Variants in EBF2 observed in about 807,000 individuals in gnomAD.
EBF2 encodes EBF transcription factor 2.
Under a neutral mutation model 72.8 loss-of-function variants are expected in EBF2, and 21 were observed. The ratio of observed to expected loss-of-function variants is 0.29; its 90% confidence interval spans 0.20 to 0.42. EBF2 has a LOEUF of 0.42. EBF2 is among the 10% of genes least tolerant of loss of function. EBF2 has a pLI of 1.00. For synonymous variants in EBF2, 299 were observed against 274.2 expected, an observed-to-expected ratio of 1.09 and a Z score of -0.89; for missense variants, 637 against 731.2, an observed-to-expected ratio of 0.87 and a Z score of 1.49.
At chr8:26,008,611 G>T (rs1173543916) in intron 6 of EBF2, among the ~76,000 whole-genome samples, 2 of 152,130 alleles carry the variant, frequency 1.3e-5, no homozygotes, top group African/African-American at 2.4e-5. Context: ...AGTGCTAAGT[G>T]CAGTTAGAAG....
intron 6 of EBF2, among the ~76,000 whole-genome samples, chr8:25,970,317 C>A (rs1438289137): frequency 6.6e-6 from 1 of 152,154 alleles, no homozygotes; most frequent in African/African-American, 2.4e-5. Context: ...TCGACAGGAG[C>A]CTTCATCTGC....
chr8:26,038,783 C>T (rs1418082384), intron 5 of EBF2, among the ~76,000 whole-genome samples: 3 of 152,188 alleles, frequency 2.0e-5, no homozygotes, highest in Non-Finnish European at 4.4e-5. Context: ...AAGCCACTGG[C>T]ATTTGGAAAG....
At position 25,850,568 on chromosome 8, in the gene EBF2, A is replaced by G. The variant is rs374190722; in HGVS notation, c.1696+26T>C. 4.0e-6 allele frequency: 6 copies of G among 1,516,754 alleles called. No homozygotes were observed. The African/African-American group carries it at 8.7e-5, about 22-fold the overall frequency. The allele number at this position is 1,516,754 out of a possible 1,614,324, so 94.0% of individuals were successfully genotyped here. On this transcript the variant is annotated intron_variant, in intron 15 of 15. Coordinates refer to ENST00000520164, the MANE Select transcript of EBF2 (RefSeq NM_022659.4). Reference sequence around the variant, plus strand: ...TTGCCAACCCTATGGTACATTGTGTATCCCCAAAATAGAACCCTTGCTTAC... The same window carrying G: ...TTGCCAACCCTATGGTACATTGTGTGTCCCCAAAATAGAACCCTTGCTTAC...
intron 7 of EBF2, among the ~76,000 whole-genome samples, chr8:25,896,242 CAG>C (rs1802862686): frequency 6.6e-6 from 1 of 152,210 alleles, no homozygotes; most frequent in Admixed American, 6.5e-5. Context: ...CCGTATGGGC[CAG>C]AGTCTTTGCT....
chr8:25,985,954 A>G (rs979168416), intron 6 of EBF2, among the ~76,000 whole-genome samples: 2 of 133,594 alleles, frequency 1.5e-5, no homozygotes, highest in African/African-American at 5.5e-5. Context: ...GTAAGTTGTG[A>G]TCACACCACT....
chr8:25,922,394 C>G (rs1182027173), intron 6 of EBF2, among the ~76,000 whole-genome samples: 1 of 152,140 alleles, frequency 6.6e-6, no homozygotes, highest in Non-Finnish European at 1.5e-5. Flanking sequence ...GACATTGATT[C>G]TCAAAGCCTG....
chr8:25,957,838 C>T (rs1164809636), intron 6 of EBF2, among the ~76,000 whole-genome samples: 1 of 152,196 alleles, frequency 6.6e-6, no homozygotes, highest in African/African-American at 2.4e-5. Flanking sequence ...CAAGGTACAA[C>T]TGGAGAGGCC....
chr8:25,981,611 C>A (rs572303144), intron 6 of EBF2, among the ~76,000 whole-genome samples: 1 of 152,120 alleles, frequency 6.6e-6, no homozygotes, highest in South Asian at 2.1e-4. Flanking sequence ...GCCTGGCCAA[C>A]GTGGCAAAAT....
At chr8:25,870,544 G>A (rs1415992166) in intron 10 of EBF2, among the ~76,000 whole-genome samples, 1 of 152,122 alleles carries the variant, frequency 6.6e-6, no homozygotes, top group African/African-American at 2.4e-5. Context: ...TGCTCAGAGA[G>A]GAATTTTCTG....
intron 2 of EBF2, 97 bp downstream of exon 2, chr8:26,041,998 G>C (rs1160665818): frequency 6.6e-7 from 1 of 1,506,876 alleles, no homozygotes; most frequent in Admixed American, 1.9e-5. Context: ...CTGATGGTGA[G>C]AGTGGAAAAG....
intron 7 of EBF2, among the ~76,000 whole-genome samples, chr8:25,892,306 C>T (rs1265388232): frequency 1.3e-5 from 2 of 152,084 alleles, no homozygotes; most frequent in African/African-American, 4.8e-5. Flanking sequence ...TAACTGAAAC[C>T]ACAGAAAGTG....
chr8:25,930,450 A>G (rs1288816859), intron 6 of EBF2, among the ~76,000 whole-genome samples: 1 of 152,220 alleles, frequency 6.6e-6, no homozygotes, highest in East Asian at 1.9e-4. Flanking sequence ...ATTGGCAACC[A>G]TTAAGTGCTA....
Position 26,044,147 on chromosome 8 carries a change from G to A in EBF2, c.131+582C>T, listed in dbSNP as rs932159506. 1.8e-4 allele frequency among the ~76,000 whole-genome samples: 27 copies of A among 152,194 alleles called. No homozygotes were observed. Among genetic ancestry groups the A allele is most frequent in the African/African-American group, 5.1e-4 (21 of 41,446 alleles). On this transcript the variant is annotated intron_variant, in intron 1 of 15. Coordinates refer to ENST00000520164, the MANE Select transcript of EBF2 (RefSeq NM_022659.4). This position sits in a 1 kb window ranked among gnomAD's most constrained non-coding sequence, Gnocchi z 4.1. ...GCTCACTGTTTTATCTTTGAGCCGGGACCCTCCAGCCTGTCCCCCCTCCCA... is the reference window on the plus strand; with the variant it reads ...GCTCACTGTTTTATCTTTGAGCCGGAACCCTCCAGCCTGTCCCCCCTCCCA...
chr8:26,034,892 G>A (rs189434441), intron 5 of EBF2, among the ~76,000 whole-genome samples: 50 of 152,308 alleles, frequency 3.3e-4, no homozygotes, highest in Admixed American at 5.9e-4. Context: ...GGGAATCAGC[G>A]TTCTGGTGTC....
rs776413752 is a variant in EBF2, at chr8:26,040,967, G to A, written c.324C>T (p.His108=). The A allele has an allele frequency of 1.7e-5, 27 of 1,614,130 alleles. No homozygotes were observed. In the Admixed American group the frequency reaches 4.3e-4, roughly 26 times the overall value. ...TGCTGTAGAGGAGCTGTAACTTGTA[G>A]TGAGTGCCGTTGTTGGTCTTCTCGT... ...QGNEKTNNGT[H]YKLQLLYSNG... is the part of the protein sequence containing the mutation. The change falls in exon 3 of 16, where the codon CAC becomes CAT. Residue 108 remains histidine, a synonymous_variant. Transcript: ENST00000520164.
chr8:26,041,536 A>C (rs1349411448), intron 2 of EBF2: 1 of 164,796 alleles, frequency 6.1e-6, no homozygotes, highest in Non-Finnish European at 1.3e-5. Flanking sequence ...AGACCCGGAA[A>C]GGGCAAGGGA....
In EBF2 at chr8:25,858,850, G is replaced by A. The variant is rs188632321; in HGVS notation, c.1343-346C>T. On this transcript the variant is annotated intron_variant, in intron 13 of 15. Transcript: ENST00000520164. ...TAATTTTTGTACTTTTAGTGGAGAC[G>A]GGAATTCACCATGTTGGCCAAGCTG... Among the ~76,000 whole-genome samples the A allele has an allele frequency of 1.1e-4, 17 of 151,840 alleles. No homozygotes were observed. In the East Asian group the frequency reaches 2.1e-3, roughly 19 times the overall value.
intron 7 of EBF2, among the ~76,000 whole-genome samples, chr8:25,890,857 C>A (rs1802766037): frequency 6.6e-6 from 1 of 152,178 alleles, no homozygotes; most frequent in Non-Finnish European, 1.5e-5. Flanking sequence ...CTTCTAGATG[C>A]AAGCATTTTG....
intron 6 of EBF2, among the ~76,000 whole-genome samples, chr8:25,961,429 T>C (rs1177697226): frequency 2.0e-5 from 3 of 152,314 alleles, no homozygotes; most frequent in African/African-American, 7.2e-5. Context: ...AGTGGCGCGA[T>C]CTTGGCTCAC....
Sources: gnomAD v4.1 joint callset for allele counts (sites outside exome capture counted in the v4.1 genomes callset) on GRCh38, gnomAD v4.1.1 for gene constraint, Gnocchi (gnomAD v3.1) non-coding constraint, MANE v1.5 for transcripts, NCBI Gene and HGNC (gene_info 2026-07-23, HGNC 2026-07-21) for gene names.